The following BLK variants were observed in gnomAD, a reference collection of about 807,000 sequenced individuals.
The protein encoded by BLK is BLK proto-oncogene, Src family tyrosine kinase.
In BLK, 64 loss-of-function variants were observed where a neutral mutation model predicts 61.8. That is an observed-to-expected ratio of 1.03 (90% CI 0.85 to 1.27). BLK has a LOEUF of 1.27. Among genes scored for constraint, BLK ranks in the 50% most tolerant of loss-of-function variants. BLK has a pLI of 0.00. For missense variants in BLK, 853 were observed against 660.5 expected (o/e 1.29, Z -3.19); for synonymous variants, 351 against 272.0 (o/e 1.29, Z -2.86).
At chr8:11,532,577 A>G (rs1450219986) in intron 1 of BLK, among the ~76,000 whole-genome samples, 1 of 151,666 alleles carries the variant, frequency 6.6e-6, no homozygotes. Context: ...TAATTTTTTT[A>G]TGTCTTCATT....
intron 7 of BLK, 21 bp downstream of exon 7, chr8:11,554,910 G>T: frequency 6.2e-7 from 1 of 1,609,482 alleles, no homozygotes. Context: ...GCGTGCAATG[G>T]GGGCAGGGAC....
At chr8:11,523,930 C>G (rs1799550554) in intron 1 of BLK, among the ~76,000 whole-genome samples, 1 of 151,250 alleles carries the variant, frequency 6.6e-6, no homozygotes, top group Non-Finnish European at 1.5e-5. Context: ...CCAGTCTTAC[C>G]TTTATAAACA....
intron 1 of BLK, among the ~76,000 whole-genome samples, chr8:11,510,432 C>G (rs150890580): frequency 4.6e-5 from 7 of 152,184 alleles, no homozygotes; most frequent in African/African-American, 1.4e-4. Flanking sequence ...TCATCTAAAC[C>G]AGGGTTTCTA....
rs1186762850 is a variant in BLK at position 11,564,394 on chromosome 8, C to G, written c.*286C>G. 1 of 652,750 alleles carries G rather than the reference C, an allele frequency of 1.5e-6. No homozygotes were observed. Among genetic ancestry groups the G allele is most frequent in the Non-Finnish European group, 2.8e-6 (1 of 352,852 alleles). The allele number at this position is 652,750 out of a possible 1,614,324, so 40.4% of individuals were successfully genotyped here. A position where few individuals can be genotyped will look rare whatever the true frequency, so the allele number is the denominator to read the frequency against. On this transcript the variant is annotated 3_prime_UTR_variant, in exon 13 of 13. Coordinates refer to ENST00000259089, the MANE Select transcript of BLK (RefSeq NM_001715.3). ...CTAAGCCCCAGTAAGGTGTTCAGGA[C>G]TGGTAAGCGACTGTCATCAAGTAAG...
intron 10 of BLK, chr8:11,558,777 G>C: frequency 4.4e-6 from 2 of 456,210 alleles, no homozygotes; most frequent in South Asian, 1.5e-5. Context: ...CAGCAGAAAA[G>C]TTTTGGTCTG....
chr8:11,564,518 C>A lies in BLK; in HGVS notation c.*410C>A. 4.1e-6 allele frequency: 2 copies of A among 490,496 alleles called. No individual in the cohort carries two copies. The highest frequency in any genetic ancestry group is 3.1e-5 in the South Asian group (2 of 64,698). 30.4% of individuals were successfully genotyped at this position (490,496 alleles called of 1,614,324 possible). On this transcript the variant is annotated 3_prime_UTR_variant, in exon 13 of 13. Coordinates refer to ENST00000259089, the MANE Select transcript of BLK (RefSeq NM_001715.3). ...GCTACAGAAGCCAGACTGGGTCCCG[C>A]GGACGCCAGCAGGGGCAGCCCCAGC...
chr8:11,519,708 A>T (rs1238041959), intron 1 of BLK, among the ~76,000 whole-genome samples: 2 of 152,230 alleles, frequency 1.3e-5, no homozygotes, highest in Non-Finnish European at 2.9e-5. Context: ...TGAGAAAATG[A>T]GACATGAACA....
intron 3 of BLK, among the ~76,000 whole-genome samples, chr8:11,547,693 G>C (rs1458958510): frequency 6.6e-6 from 1 of 152,168 alleles, no homozygotes; most frequent in African/African-American, 2.4e-5. Flanking sequence ...GAAGATGAGG[G>C]CTCCCAGCAC....
intron 1 of BLK, among the ~76,000 whole-genome samples, chr8:11,499,559 A>C (rs954545626): frequency 1.3e-5 from 2 of 152,166 alleles, no homozygotes; most frequent in African/African-American, 4.8e-5. Context: ...GCTGCATAAG[A>C]AACAGAGGTT....
At chr8:11,496,724 A>G (rs1798371523) in intron 1 of BLK, among the ~76,000 whole-genome samples, 1 of 152,130 alleles carries the variant, frequency 6.6e-6, no homozygotes, top group South Asian at 2.1e-4. Flanking sequence ...GAGAATGAGG[A>G]CCCAGGCCCC....
intron 11 of BLK, among the ~76,000 whole-genome samples, chr8:11,562,074 C>T (rs542064749): frequency 5.3e-5 from 8 of 152,304 alleles, no homozygotes; most frequent in African/African-American, 1.2e-4. Flanking sequence ...CTGCCTTGAC[C>T]TCCCAAAGCG....
chr8:11,515,011 C>T (rs985895980), intron 1 of BLK, among the ~76,000 whole-genome samples: 1 of 152,164 alleles, frequency 6.6e-6, no homozygotes, highest in Non-Finnish European at 1.5e-5. Context: ...GAGTCCTCCC[C>T]TCCACATTCC....
chr8:11,557,185 A>G (rs941808456), intron 9 of BLK, among the ~76,000 whole-genome samples: 1 of 152,192 alleles, frequency 6.6e-6, no homozygotes, highest in Non-Finnish European at 1.5e-5. Context: ...GGACAGTACT[A>G]GATCCAGGTC....
In BLK at chr8:11,564,135, C is replaced by T; in HGVS notation, c.*27C>T. 3 of 1,538,776 alleles carry T rather than the reference C, an allele frequency of 1.9e-6. No individual in the cohort carries two copies. Among genetic ancestry groups the T allele is most frequent in the South Asian group, 1.2e-5 (1 of 84,378 alleles). ...CGGCCGCGCCCGCCTGCGCCCCGTG[C>T]CCACCTCTGCGCGGACGACCCCGAC... On this transcript the variant is annotated 3_prime_UTR_variant, in exon 13 of 13. Transcript: ENST00000259089.
Position 11,562,883 on chromosome 8 carries a change from T to C in BLK, c.1181-96T>C, listed in dbSNP as rs1042256129. ...CCCTGTGAGGCCCCGCAGTGGGGGCTTGATGGAAGGACAGCAGGAGCAGGG... is the reference window on the plus strand; with the variant it reads ...CCCTGTGAGGCCCCGCAGTGGGGGCCTGATGGAAGGACAGCAGGAGCAGGG... On this transcript the variant is annotated intron_variant, in intron 11 of 12. Transcript: ENST00000259089. 3.8e-6 allele frequency: 6 copies of C among 1,570,912 alleles called. No homozygotes were observed. The African/African-American group carries it at 6.7e-5, about 18-fold the overall frequency.
intron 1 of BLK, among the ~76,000 whole-genome samples, chr8:11,515,957 T>C (rs1200788098): frequency 6.6e-6 from 1 of 152,172 alleles, no homozygotes; most frequent in Non-Finnish European, 1.5e-5. Context: ...TGTATCCTGG[T>C]GTGGGGATGG....
chr8:11,522,876 A>G (rs1289521795), intron 1 of BLK, among the ~76,000 whole-genome samples: 1 of 152,244 alleles, frequency 6.6e-6, no homozygotes, highest in Non-Finnish European at 1.5e-5. Context: ...ATACATGGTT[A>G]ACACCTACTA....
intron 4 of BLK, among the ~76,000 whole-genome samples, 186 bp downstream of exon 4, chr8:11,548,311 G>A (rs1411331071): frequency 6.6e-6 from 1 of 152,142 alleles, no homozygotes; most frequent in East Asian, 1.9e-4. Context: ...TCTTTCCGGT[G>A]AAGTAATTTC....
chr8:11,506,140 T>C (rs1224535213), intron 1 of BLK, among the ~76,000 whole-genome samples: 5 of 152,208 alleles, frequency 3.3e-5, no homozygotes, highest in Non-Finnish European at 5.9e-5. Context: ...GTGCTTTTCC[T>C]GAGGTCACGC....
Sources: allele counts gnomAD v4.1 joint callset (sites outside exome capture counted in the v4.1 genomes callset), GRCh38; gene constraint gnomAD v4.1.1; transcripts MANE v1.5; gene names NCBI Gene and HGNC (gene_info 2026-07-23, HGNC 2026-07-21).